Variants in UNC13C observed in about 807,000 individuals in gnomAD.
UNC13C encodes protein unc-13 homolog C.
In UNC13C, 174 loss-of-function variants were observed where a neutral mutation model predicts 245.4. The ratio of observed to expected loss-of-function variants is 0.71; its 90% confidence interval spans 0.63 to 0.80. UNC13C has a LOEUF of 0.80. Ranked by LOEUF, UNC13C falls within the 30% of genes least tolerant of loss-of-function variation. The pLI, the probability that UNC13C is intolerant of heterozygous loss-of-function variation, is 0.00. For missense variants in UNC13C, 2,829 were observed against 2,602.9 expected, an observed-to-expected ratio of 1.09 and a Z score of -1.89; for synonymous variants, 992 against 895.1, an observed-to-expected ratio of 1.11 and a Z score of -1.93.
At chr15:53,880,845 C>G in the UNC13C span, among the ~76,000 whole-genome samples, 24 of 151,908 alleles carry the variant, frequency 1.6e-4, no homozygotes, top group African/African-American at 5.6e-4. Flanking sequence ...TACAGAATAC[C>G]CAAGTGGGTT....
At chr15:53,911,914 G>T in the UNC13C span, 2 of 152,354 alleles carry the variant, frequency 1.3e-5, no homozygotes, top group African/African-American at 4.8e-5. Context: ...TTCTCACCCC[G>T]TATGTAGGAC....
chr15:53,840,652 A>G, the UNC13C span, among the ~76,000 whole-genome samples: 1 of 152,176 alleles, frequency 6.6e-6, no homozygotes, highest in African/African-American at 2.4e-5. Context: ...TTCTAATAAC[A>G]CTTGCATGCC....
chr15:54,349,939 A>G (rs1413156821), intron 17 of UNC13C, among the ~76,000 whole-genome samples: 1 of 152,240 alleles, frequency 6.6e-6, no homozygotes, highest in South Asian at 2.1e-4. Flanking sequence ...AACAGTGATA[A>G]GTGGAAAACA....
chr15:54,120,229 T>G (rs1238178496), intron 2 of UNC13C, among the ~76,000 whole-genome samples: 1 of 152,146 alleles, frequency 6.6e-6, no homozygotes, highest in African/African-American at 2.4e-5. Context: ...CTGATTCTCT[T>G]ATTAGGAGTT....
At chr15:54,225,170 C>CTT (rs61048399) in intron 4 of UNC13C, among the ~76,000 whole-genome samples, 8 of 138,652 alleles carry the variant, frequency 5.8e-5, no homozygotes, top group South Asian at 2.4e-4. Flanking sequence ...AGTTCTCTGT[C>CTT]TTTTTTTTTT....
the UNC13C span, among the ~76,000 whole-genome samples, chr15:53,971,725 T>G: frequency 1.3e-5 from 2 of 152,100 alleles, no homozygotes; most frequent in Non-Finnish European, 2.9e-5. Context: ...GAGAAAGATT[T>G]TATTATCTCC....
intron 30 of UNC13C, among the ~76,000 whole-genome samples, chr15:54,604,291 A>G (rs973918980): frequency 1.3e-5 from 2 of 152,218 alleles, no homozygotes; most frequent in Admixed American, 1.3e-4. Flanking sequence ...TAGATGAACT[A>G]AAATATGTTT....
chr15:54,291,281 G>T (rs1342537128), intron 10 of UNC13C, among the ~76,000 whole-genome samples: 1 of 151,880 alleles, frequency 6.6e-6, no homozygotes, highest in African/African-American at 2.4e-5. Context: ...TTGATAGTGA[G>T]CTTTGTTAGC....
At chr15:54,527,268 C>A (rs775082495) in intron 25 of UNC13C, among the ~76,000 whole-genome samples, 7 of 152,136 alleles carry the variant, frequency 4.6e-5, no homozygotes, top group Non-Finnish European at 8.8e-5. Context: ...GAGGCCTTTG[C>A]TGAGCCATTT....
chr15:54,432,673 A>C (rs1233821167), intron 19 of UNC13C, among the ~76,000 whole-genome samples: 1 of 152,016 alleles, frequency 6.6e-6, no homozygotes, highest in Admixed American at 6.6e-5. Flanking sequence ...ACACCCTAAC[A>C]TCACAATTAA....
At chr15:53,855,720 G>A in the UNC13C span, among the ~76,000 whole-genome samples, 9 of 152,238 alleles carry the variant, frequency 5.9e-5, no homozygotes, top group Admixed American at 4.6e-4. Context: ...ATTCACCATC[G>A]ATGTTGGTGA....
chr15:54,318,300 A>G (rs1596208909), intron 13 of UNC13C, among the ~76,000 whole-genome samples: 1 of 151,998 alleles, frequency 6.6e-6, no homozygotes, highest in African/African-American at 2.4e-5. Flanking sequence ...AAGAACCACC[A>G]TACTATTTCC....
intron 26 of UNC13C, among the ~76,000 whole-genome samples, chr15:54,534,117 C>G (rs539212424): frequency 6.6e-6 from 1 of 152,168 alleles, no homozygotes; most frequent in Non-Finnish European, 1.5e-5. Flanking sequence ...ACCACTGCAT[C>G]GCTGCCACCA....
chr15:54,101,630 G>A (rs889943161), intron 2 of UNC13C, among the ~76,000 whole-genome samples: 1 of 151,962 alleles, frequency 6.6e-6, no homozygotes, highest in Non-Finnish European at 1.5e-5. Flanking sequence ...GCCCAGGCAG[G>A]AGTGCAGTGG....
intron 20 of UNC13C, among the ~76,000 whole-genome samples, chr15:54,498,174 T>C (rs1008743874): frequency 1.3e-5 from 2 of 152,070 alleles, no homozygotes; most frequent in Non-Finnish European, 2.9e-5. Flanking sequence ...TAATTTTTCA[T>C]TGACAATGCT....
At chr15:54,473,410 C>T (rs1892562895) in intron 19 of UNC13C, among the ~76,000 whole-genome samples, 1 of 151,794 alleles carries the variant, frequency 6.6e-6, no homozygotes, top group Non-Finnish European at 1.5e-5. Flanking sequence ...TTATTGTTAA[C>T]TTTAGTTACC....
chr15:54,632,046 T>C (rs958352511), downstream of UNC13C: 1 of 152,192 alleles, frequency 6.6e-6, no homozygotes, highest in African/African-American at 2.4e-5. Context: ...ATACACAAAA[T>C]AGCATCTCAA....
intron 2 of UNC13C, among the ~76,000 whole-genome samples, chr15:54,042,994 C>A (rs1164170968): frequency 6.6e-6 from 1 of 152,132 alleles, no homozygotes. Flanking sequence ...GCTCCCTATT[C>A]AGCCTGGAAA....
intron 19 of UNC13C, among the ~76,000 whole-genome samples, chr15:54,442,158 T>A (rs1452822165): frequency 2.6e-5 from 4 of 152,002 alleles, no homozygotes; most frequent in Non-Finnish European, 5.9e-5. Flanking sequence ...TGATGCCTTT[T>A]TTTCTTTTTC....
Sources: gnomAD v4.1 joint callset for allele counts (sites outside exome capture counted in the v4.1 genomes callset) on GRCh38, gnomAD v4.1.1 for gene constraint, MANE v1.5 for transcripts, NCBI Gene and HGNC (gene_info 2026-07-23, HGNC 2026-07-21) for gene names.